The following UNC13C variants were observed in gnomAD, a reference collection of about 807,000 sequenced individuals.
UNC13C encodes the protein unc-13 homolog C.
In UNC13C, 174 loss-of-function variants were observed where a neutral mutation model predicts 245.4. That is an observed-to-expected ratio of 0.71 (90% confidence interval 0.63 to 0.80). The LOEUF (loss-of-function observed/expected upper bound fraction) is 0.80. Among genes scored for constraint, UNC13C ranks in the 30% least tolerant of loss-of-function variants. UNC13C has a pLI of 0.00. For synonymous variants in UNC13C, 992 were observed against 895.1 expected, an observed-to-expected ratio of 1.11 and a Z score of -1.93; for missense variants, 2,829 against 2,602.9, an observed-to-expected ratio of 1.09 and a Z score of -1.89.
In UNC13C at chr15:54,627,062, A is replaced by C. The variant is rs1901216215; in HGVS notation, c.6594A>C (p.Lys2198Asn). 1 of 1,612,906 alleles carries C rather than the reference A, an allele frequency of 6.2e-7. No individual in the cohort carries two copies. The highest frequency in any genetic ancestry group is 1.7e-5 in the Admixed American group (1 of 59,842). ...AGAGGACCAGTGATGATGTGGCTAA[A>C]GAATTTGTAAGACTTAAATCTGAAA... is the stretch of plus-strand genomic sequence containing the variant. ...LSQRTSDDVA[K>N]EFVRLKSETR... Residue 2198 changes from lysine to asparagine, a missense_variant, in exon 33 of 33, where the codon AAA (lysine) becomes AAC (asparagine). Transcript: ENST00000260323.
At chr15:54,089,266 C>T (rs1442185657) in intron 2 of UNC13C, among the ~76,000 whole-genome samples, 1 of 152,114 alleles carries the variant, frequency 6.6e-6, no homozygotes, top group South Asian at 2.1e-4. Context: ...TAGTGCAGTG[C>T]CTAGAACAAA....
In UNC13C at chr15:54,219,769, T is replaced by G. The variant is rs1185790993; in HGVS notation, c.3072-15261T>G. ...AATTTACAAGAAAAAAACAACCCCA[T>G]CAAAAAGTGGGCAAAGGATATGAAC... On this transcript the variant is annotated intron_variant, in intron 4 of 32. Coordinates refer to ENST00000260323, the MANE Select transcript of UNC13C (RefSeq NM_001080534.3). 9.9e-5 allele frequency among the ~76,000 whole-genome samples: 15 copies of G among 151,144 alleles called. No individual in the cohort carries two copies. The East Asian group carries it at 2.9e-3, about 29-fold the overall frequency.
chr15:53,858,665 C>T, the UNC13C span, among the ~76,000 whole-genome samples: 19,195 of 151,966 alleles, frequency 0.13, 1,381 homozygotes, highest in Admixed American at 0.21. Context: ...ATGATCCACC[C>T]GCCTCAGCAT....
intron 2 of UNC13C, among the ~76,000 whole-genome samples, chr15:54,075,411 A>T (rs1355202628): frequency 6.7e-6 from 1 of 149,560 alleles, no homozygotes; most frequent in Non-Finnish European, 1.5e-5. Flanking sequence ...CGTGAACCTG[A>T]AGGCGGAGCT....
intron 2 of UNC13C, among the ~76,000 whole-genome samples, chr15:54,105,655 G>GT (rs11387033): frequency 0.88 from 134,005 of 152,010 alleles, 60,185 homozygotes; most frequent in Non-Finnish European, 0.96. Flanking sequence ...TTTCTACTAC[G>GT]GTGATGAAAA....
In UNC13C at chr15:54,092,043, C is replaced by T. The variant is rs192838300; in HGVS notation, c.2984-50975C>T. 3.9e-4 allele frequency among the ~76,000 whole-genome samples: 59 copies of T among 152,296 alleles called. 1 individual carries two copies. The highest frequency in any genetic ancestry group is 3.2e-3 in the Admixed American group (49 of 15,300). On this transcript the variant is annotated intron_variant, in intron 2 of 32. Coordinates refer to ENST00000260323, the MANE Select transcript of UNC13C (RefSeq NM_001080534.3). ...CCTCTTAGACTTAGCCATTTGAACA[C>T]GGATCCCCTCTCTTAGGAGCAGAGG...
intron 29 of UNC13C, among the ~76,000 whole-genome samples, chr15:54,563,487 AC>A (rs1291247195): frequency 6.6e-6 from 1 of 151,992 alleles, no homozygotes; most frequent in African/African-American, 2.4e-5. Flanking sequence ...TCTAAGTAAA[AC>A]ATCTGAACAA....
At chr15:54,047,045 C>T (rs1346786245) in intron 2 of UNC13C, among the ~76,000 whole-genome samples, 1 of 151,934 alleles carries the variant, frequency 6.6e-6, no homozygotes, top group African/African-American at 2.4e-5. Context: ...AATGGGTTCA[C>T]ATAAGATTTT....
chr15:54,172,560 G>A (rs1472102886), intron 4 of UNC13C, among the ~76,000 whole-genome samples: 1 of 150,662 alleles, frequency 6.6e-6, no homozygotes, highest in African/African-American at 2.4e-5. Flanking sequence ...TATACCACAG[G>A]TTATCAGTCC....
At chr15:54,168,490 G>T (rs1196598383) in intron 4 of UNC13C, among the ~76,000 whole-genome samples, 1 of 152,146 alleles carries the variant, frequency 6.6e-6, no homozygotes, top group African/African-American at 2.4e-5. Context: ...TTCTAATACA[G>T]ATGCTCTTTT....
At chr15:54,210,873 G>T (rs1371285137) in intron 4 of UNC13C, among the ~76,000 whole-genome samples, 1 of 152,074 alleles carries the variant, frequency 6.6e-6, no homozygotes, top group Admixed American at 6.6e-5. Flanking sequence ...TGCAGGACAC[G>T]CGGTGGACTT....
intron 2 of UNC13C, among the ~76,000 whole-genome samples, chr15:54,082,598 C>T (rs1182271879): frequency 1.3e-5 from 2 of 152,112 alleles, no homozygotes; most frequent in Non-Finnish European, 2.9e-5. Flanking sequence ...TGGTTGGGAT[C>T]CATTGCCAGA....
intron 10 of UNC13C, among the ~76,000 whole-genome samples, chr15:54,287,718 T>C (rs2037185247): frequency 6.6e-6 from 1 of 152,156 alleles, no homozygotes; most frequent in African/African-American, 2.4e-5. Context: ...TGTCCATCTC[T>C]AGTTGCAGGA....
the UNC13C span, among the ~76,000 whole-genome samples, chr15:53,933,500 C>A: frequency 2.0e-5 from 3 of 152,148 alleles, no homozygotes; most frequent in African/African-American, 4.8e-5. Context: ...TATTCCACAG[C>A]ACTGGGGGTG....
At chr15:54,233,196 T>C (rs575041920) in intron 4 of UNC13C, among the ~76,000 whole-genome samples, 6 of 152,282 alleles carry the variant, frequency 3.9e-5, no homozygotes, top group Admixed American at 3.3e-4. Context: ...ATTGTCATTA[T>C]TCTGGGCAAT....
At chr15:54,179,471 C>T (rs898921406) in intron 4 of UNC13C, among the ~76,000 whole-genome samples, 1 of 151,846 alleles carries the variant, frequency 6.6e-6, no homozygotes, top group Non-Finnish European at 1.5e-5. Context: ...TCTAGAGCTG[C>T]AAAATACAAT....
At chr15:54,070,947 G>T (rs1320928722) in intron 2 of UNC13C, among the ~76,000 whole-genome samples, 1 of 152,132 alleles carries the variant, frequency 6.6e-6, no homozygotes, top group Non-Finnish European at 1.5e-5. Context: ...TTTGGTAGAA[G>T]ATATATAATT....
the UNC13C span, among the ~76,000 whole-genome samples, chr15:53,944,671 A>G: frequency 4.6e-5 from 7 of 152,174 alleles, no homozygotes; most frequent in Non-Finnish European, 1.0e-4. Context: ...TCTGCCATTG[A>G]TGGGCATTTT....
At chr15:54,423,055 A>G (rs1017748758) in intron 19 of UNC13C, among the ~76,000 whole-genome samples, 2 of 151,800 alleles carry the variant, frequency 1.3e-5, no homozygotes, top group African/African-American at 4.8e-5. Context: ...ATTTCTTCAT[A>G]GCTGTGTGTG....
Sources: gnomAD v4.1 joint callset for allele counts (sites outside exome capture counted in the v4.1 genomes callset) on GRCh38, gnomAD v4.1.1 for gene constraint, MANE v1.5 for transcripts, NCBI Gene and HGNC (gene_info 2026-07-23, HGNC 2026-07-21) for gene names.